The following ROBO2 variants were observed in gnomAD, a reference collection of about 807,000 sequenced individuals.
ROBO2 encodes roundabout guidance receptor 2.
ROBO2 carries 53 observed loss-of-function variants against 160.8 expected under a neutral mutation model. The ratio of observed to expected loss-of-function variants is 0.33; its 90% CI spans 0.26 to 0.41. The LOEUF (loss-of-function observed/expected upper bound fraction) is 0.41, where lower values mean the gene tolerates loss of function less well. Ranked by LOEUF, ROBO2 falls within the 10% of genes least tolerant of loss-of-function variation. ROBO2 has a pLI of 1.00. For missense variants in ROBO2, 1,577 were observed against 1,722.4 expected, an observed-to-expected ratio of 0.92 and a Z score of 1.49; for synonymous variants, 664 against 611.7, an observed-to-expected ratio of 1.09 and a Z score of -1.26.
At position 76,045,790 on chromosome 3, in the gene ROBO2, C is replaced by CTGG. The variant is rs1396680512; in HGVS notation, c.109+108196_109+108198dup. Reference sequence around the variant, plus strand: ...CTGCTCAAAACCAAGCACTCTGTAGCTGGTGGTGGTTTCTTTCCTCCTCTC... The same window carrying CTGG: ...CTGCTCAAAACCAAGCACTCTGTAGCTGGTGGTGGTGGTTTCTTTCCTCCTCTC... On this transcript the variant is annotated intron_variant, in intron 2 of 26. Transcript: ENST00000487694. Among the ~76,000 whole-genome samples, 4 of 152,010 alleles carry CTGG rather than the reference C, an allele frequency of 2.6e-5. No individual in the cohort carries two copies. The East Asian group carries it at 5.8e-4, about 22-fold the overall frequency.
chr3:76,384,698 A>C (rs1311228450), intron 2 of ROBO2, among the ~76,000 whole-genome samples: 1 of 152,160 alleles, frequency 6.6e-6, no homozygotes, highest in Non-Finnish European at 1.5e-5. Context: ...ACATGGTGGC[A>C]GGAAGGGTAA....
At chr3:77,462,231 G>A (rs2082319772) in intron 2 of ROBO2, among the ~76,000 whole-genome samples, 1 of 152,092 alleles carries the variant, frequency 6.6e-6, no homozygotes, top group Admixed American at 6.6e-5. Context: ...TCAATATTCT[G>A]TTGAGGCACT....
At chr3:76,983,158 G>T (rs2149335908) in intron 2 of ROBO2, among the ~76,000 whole-genome samples, 1 of 152,186 alleles carries the variant, frequency 6.6e-6, no homozygotes, top group Non-Finnish European at 1.5e-5. Flanking sequence ...GGTGGCTCAT[G>T]CCTGTAATTC....
In ROBO2 at chr3:75,949,151, T is replaced by C. The variant is rs200584251; in HGVS notation, c.109+11549T>C. Among the ~76,000 whole-genome samples the C allele has an allele frequency of 3.2e-3, 486 of 152,254 alleles. 1 individual carries two copies. The highest frequency in any genetic ancestry group is 9.5e-3 in the East Asian group (49 of 5,168). Reference sequence around the variant, plus strand: ...CTATTTCAAGTCATATTTCTCAGTATTGATATACTTAATTTTGCTGAAATA... The same window carrying C: ...CTATTTCAAGTCATATTTCTCAGTACTGATATACTTAATTTTGCTGAAATA... On this transcript the variant is annotated intron_variant, in intron 2 of 26. Coordinates refer to the ROBO2 transcript ENST00000487694.
intron 2 of ROBO2, among the ~76,000 whole-genome samples, chr3:76,339,998 A>G (rs989810079): frequency 6.6e-6 from 1 of 151,814 alleles, no homozygotes; most frequent in African/African-American, 2.4e-5. Context: ...ATCATCGACT[A>G]TTTAATACCA....
In ROBO2 at chr3:76,440,452, A is replaced by AGGG. The variant is rs566482136; in HGVS notation, c.109+502851_109+502852insGGG. On this transcript the variant is annotated intron_variant, in intron 2 of 26. Transcript: ENST00000487694. ...TGTGTGATGTTCCCCTCCCTGTAAA[A>AGGG]GTACTTTACTTGAAAGGGGAGTCTA... Among the ~76,000 whole-genome samples the AGGG allele has an allele frequency of 9.5e-3, 1,441 of 152,050 alleles. 21 individuals are homozygous for AGGG. Among genetic ancestry groups the AGGG allele is most frequent in the African/African-American group, 0.033 (1,379 of 41,452 alleles).
intron 2 of ROBO2, among the ~76,000 whole-genome samples, chr3:76,654,927 ATT>A (rs1491350775): frequency 4.8e-4 from 71 of 146,522 alleles, no homozygotes; most frequent in African/African-American, 1.3e-3. Context: ...ATATATATAT[ATT>A]TATATATATA....
At chr3:76,985,951 T>A (rs1199218362) in intron 2 of ROBO2, among the ~76,000 whole-genome samples, 1 of 152,226 alleles carries the variant, frequency 6.6e-6, no homozygotes, top group Non-Finnish European at 1.5e-5. Context: ...TCCCCTTTCT[T>A]AATAAAATTT....
intron 2 of ROBO2, among the ~76,000 whole-genome samples, chr3:76,967,151 G>A (rs1019505171): frequency 2.0e-5 from 3 of 151,962 alleles, no homozygotes; most frequent in Admixed American, 6.6e-5. Context: ...TAGCACATCC[G>A]GAATTACACA....
At chr3:77,634,662 G>A (rs1270496569) in intron 23 of ROBO2, 7 of 568,706 alleles carry the variant, frequency 1.2e-5, no homozygotes, top group African/African-American at 3.7e-5. Context: ...GCCAGTGGGG[G>A]TGTTGTTAGC....
At chr3:76,185,205 T>TAC in intron 2 of ROBO2, among the ~76,000 whole-genome samples, 1 of 95,664 alleles carries the variant, frequency 1.0e-5, no homozygotes, top group African/African-American at 3.3e-5. Context: ...GATATATATA[T>TAC]ATATATATAT....
chr3:77,520,228 C>A (rs866672791), intron 5 of ROBO2, among the ~76,000 whole-genome samples: 5 of 151,248 alleles, frequency 3.3e-5, no homozygotes, highest in African/African-American at 1.2e-4. Context: ...TTTAAGTTAG[C>A]ATTTAAAAAT....
At chr3:76,735,786 A>AGGG (rs71104616) in intron 2 of ROBO2, among the ~76,000 whole-genome samples, 2,924 of 126,574 alleles carry the variant, frequency 0.023, 131 homozygotes, top group African/African-American at 0.079. Context: ...GAAAAAAAAA[A>AGGG]GGGGAAAGGG....
intron 2 of ROBO2, among the ~76,000 whole-genome samples, chr3:76,527,524 C>G (rs1291394582): frequency 6.6e-6 from 1 of 152,084 alleles, no homozygotes; most frequent in Admixed American, 6.6e-5. Flanking sequence ...GTGACCCAAA[C>G]CAGGCCTTCT....
chr3:76,202,418 T>C (rs1702579465), intron 2 of ROBO2, among the ~76,000 whole-genome samples: 1 of 152,222 alleles, frequency 6.6e-6, no homozygotes, highest in Non-Finnish European at 1.5e-5. Flanking sequence ...GAATCAACTA[T>C]TTAATAATAC....
At chr3:77,557,991 C>G in exon 9 of ROBO2, 1 of 1,613,102 alleles carries the variant, frequency 6.2e-7, no homozygotes, top group Non-Finnish European at 8.5e-7. Flanking sequence ...CCCAGCCAAC[C>G]AAACGCTGGC....
intron 2 of ROBO2, among the ~76,000 whole-genome samples, chr3:76,878,012 A>T (rs913803069): frequency 3.3e-5 from 5 of 152,172 alleles, no homozygotes; most frequent in Non-Finnish European, 5.9e-5. Flanking sequence ...CACCCATATG[A>T]CCATTCAACC....
At chr3:77,175,340 GT>G in intron 2 of ROBO2, among the ~76,000 whole-genome samples, 1 of 152,060 alleles carries the variant, frequency 6.6e-6, no homozygotes, top group African/African-American at 2.4e-5. Flanking sequence ...GGGTTTTTGG[GT>G]TTTTTCGGGG....
intron 2 of ROBO2, among the ~76,000 whole-genome samples, chr3:76,503,039 T>C (rs527448416): frequency 2.0e-5 from 3 of 151,972 alleles, no homozygotes; most frequent in Non-Finnish European, 4.4e-5. Flanking sequence ...CGCATGTGTG[T>C]GTGCAAAGGG....
Sources: allele counts gnomAD v4.1 joint callset (sites outside exome capture counted in the v4.1 genomes callset), GRCh38; gene constraint gnomAD v4.1.1; transcripts MANE v1.5; gene names NCBI Gene and HGNC (gene_info 2026-07-23, HGNC 2026-07-21).